CNPY1: variants seen among roughly 807,000 people sequenced by gnomAD.
The protein encoded by CNPY1 is canopy FGF signaling regulator 1.
Under a neutral mutation model 14.4 loss-of-function variants are expected in CNPY1, and 14 were observed. The ratio of observed to expected loss-of-function variants is 0.97; its 90% CI spans 0.64 to 1.52. The LOEUF is 1.52. Ranked by LOEUF, CNPY1 falls within the 40% of genes most tolerant of loss-of-function variation. CNPY1 has a pLI of 0.00. For synonymous variants in CNPY1, 43 were observed against 46.5 expected, an observed-to-expected ratio of 0.92 and a Z score of 0.31; for missense variants, 129 against 131.5, an observed-to-expected ratio of 0.98 and a Z score of 0.09.
chr7:155,519,566 A>ATAAAT (rs61571384), intron 2 of CNPY1, among the ~76,000 whole-genome samples: 5,203 of 132,322 alleles, frequency 0.039, 117 homozygotes, highest in African/African-American at 0.092. Flanking sequence ...AATAAATAAG[A>ATAAAT]AAGAAAGAAG....
intron 2 of CNPY1, among the ~76,000 whole-genome samples, chr7:155,509,864 G>A (rs994090536): frequency 6.6e-6 from 1 of 152,212 alleles, no homozygotes; most frequent in African/African-American, 2.4e-5. Flanking sequence ...CCCGGGCGCG[G>A]GTCAAAGAGC....
At chr7:155,532,071 A>T (rs1796946501) in intron 2 of CNPY1, among the ~76,000 whole-genome samples, 1 of 152,252 alleles carries the variant, frequency 6.6e-6, no homozygotes, top group Non-Finnish European at 1.5e-5. Flanking sequence ...TCAAACTAAT[A>T]CATAAGATTT....
In CNPY1 at chr7:155,502,831, A is replaced by T; in HGVS notation, c.*237T>A. On this transcript the variant is annotated 3_prime_UTR_variant, in exon 5 of 5. Transcript: ENST00000636446. Reference sequence around the variant, plus strand: ...TCTATTGTCAAGCTTGATTTATCAAAATCTGCAAAGGTTAATTTAAGTTTC... The same window carrying T: ...TCTATTGTCAAGCTTGATTTATCAATATCTGCAAAGGTTAATTTAAGTTTC... The T allele has an allele frequency of 2.0e-6, 1 of 502,368 alleles. No homozygotes were observed. The highest frequency in any genetic ancestry group is 3.5e-6 in the Non-Finnish European group (1 of 283,074). The allele number at this position is 502,368 out of a possible 1,614,324, so 31.1% of individuals were successfully genotyped here. A position where few individuals can be genotyped will look rare whatever the true frequency, so the allele number is the denominator to read the frequency against.
At chr7:155,507,258 T>C in intron 3 of CNPY1, 142 bp from the exon 4 acceptor site, 1 of 638,860 alleles carries the variant, frequency 1.6e-6, no homozygotes, top group Non-Finnish European at 2.8e-6. Flanking sequence ...CCTTTTGGTT[T>C]AATACATCAT....
At chr7:155,503,141 C>A in intron 4 of CNPY1, 36 bp from the exon 5 acceptor site, 1 of 1,520,618 alleles carries the variant, frequency 6.6e-7, no homozygotes, top group South Asian at 1.1e-5. Context: ...GCATCATTAT[C>A]ACTTTAGACT....
chr7:155,540,211 AG>A (rs1244898188), intron 2 of CNPY1, among the ~76,000 whole-genome samples: 2 of 152,176 alleles, frequency 1.3e-5, no homozygotes, highest in Admixed American at 6.5e-5. Context: ...TGGGGGCTGG[AG>A]GAGGAAACAA....
intron 2 of CNPY1, among the ~76,000 whole-genome samples, chr7:155,532,490 G>A (rs1224230318): frequency 6.6e-6 from 1 of 152,052 alleles, no homozygotes; most frequent in Non-Finnish European, 1.5e-5. Flanking sequence ...GCACGGTGGT[G>A]GGCGCCTGTA....
At chr7:155,517,771 C>A (rs1796650318) in intron 2 of CNPY1, among the ~76,000 whole-genome samples, 1 of 152,238 alleles carries the variant, frequency 6.6e-6, no homozygotes, top group African/African-American at 2.4e-5. Context: ...GATAGCCACA[C>A]ATCTTCTTGT....
intron 2 of CNPY1, among the ~76,000 whole-genome samples, chr7:155,522,612 A>G (rs979722256): frequency 2.6e-5 from 4 of 152,190 alleles, no homozygotes; most frequent in African/African-American, 9.7e-5. Context: ...TCTGGAGCCA[A>G]AGCCTTTCTC....
At chr7:155,504,689 AACACACACAC>A (rs61377945) in intron 4 of CNPY1, among the ~76,000 whole-genome samples, 38,140 of 145,192 alleles carry the variant, frequency 0.26, 5,656 homozygotes, top group East Asian at 0.44. Context: ...CATACCCCCC[AACACACACAC>A]ACACACACAC....
chr7:155,543,091 A>G (rs1044627982), intron 2 of CNPY1, among the ~76,000 whole-genome samples: 11 of 152,122 alleles, frequency 7.2e-5, no homozygotes, highest in Admixed American at 2.0e-4. Flanking sequence ...ACCCTGTGGC[A>G]TCAGCACCCT....
chr7:155,530,540 C>T (rs759560202), intron 2 of CNPY1, among the ~76,000 whole-genome samples: 12 of 152,012 alleles, frequency 7.9e-5, no homozygotes, highest in Non-Finnish European at 1.5e-4. Flanking sequence ...CTATGTTGCC[C>T]AGGGGTCTTG....
At position 155,545,935 on chromosome 7, in the gene CNPY1, C is replaced by T; in HGVS notation, c.-6G>A. The T allele has an allele frequency of 2.5e-6, 1 of 398,650 alleles. No homozygotes were observed. The highest frequency in any genetic ancestry group is 4.4e-6 in the Non-Finnish European group (1 of 226,092). The allele number at this position is 398,650 out of a possible 1,614,324, so 24.7% of individuals were successfully genotyped here. On this transcript the variant is annotated 5_prime_UTR_variant, in exon 2 of 5. Coordinates refer to ENST00000636446, the MANE Select transcript of CNPY1 (RefSeq NM_001393663.1). ...TCGTGCTCTATCTCGTCCATCAGCGCCCTGCACGCTAAACAAGACACAAAA... is the reference window on the plus strand; with the variant it reads ...TCGTGCTCTATCTCGTCCATCAGCGTCCTGCACGCTAAACAAGACACAAAA...
intron 2 of CNPY1, among the ~76,000 whole-genome samples, chr7:155,534,917 A>G (rs530657948): frequency 1.3e-5 from 2 of 152,242 alleles, no homozygotes; most frequent in Non-Finnish European, 2.9e-5. Flanking sequence ...GGCATCACCT[A>G]TCTTCCTGGG....
At chr7:155,516,871 C>A in intron 2 of CNPY1, among the ~76,000 whole-genome samples, 1 of 151,958 alleles carries the variant, frequency 6.6e-6, no homozygotes, top group East Asian at 2.0e-4. Context: ...TCCGGGAAGC[C>A]CTTAGGTTGG....
chr7:155,542,740 C>T (rs886078873), intron 2 of CNPY1, among the ~76,000 whole-genome samples: 26 of 152,354 alleles, frequency 1.7e-4, no homozygotes, highest in Non-Finnish European at 1.6e-4. Flanking sequence ...ACACCAGGGA[C>T]TGAGCCAGTG....
At chr7:155,545,508 T>C (rs1051300282) in intron 2 of CNPY1, among the ~76,000 whole-genome samples, 6 of 152,164 alleles carry the variant, frequency 3.9e-5, no homozygotes, top group African/African-American at 1.4e-4. Context: ...CTGCTTTGAG[T>C]GTCTCTAGGC....
chr7:155,524,824 G>A (rs1385534088), intron 2 of CNPY1, among the ~76,000 whole-genome samples: 12 of 100,476 alleles, frequency 1.2e-4, no homozygotes, highest in African/African-American at 3.9e-5. Context: ...CCATGAAACC[G>A]ATCCCTGGTG....
intron 2 of CNPY1, among the ~76,000 whole-genome samples, chr7:155,512,999 T>C (rs1291881651): frequency 6.6e-6 from 1 of 152,236 alleles, no homozygotes; most frequent in African/African-American, 2.4e-5. Context: ...TAAAAGTCAA[T>C]ATTTAGAAGT....
Sources: allele counts gnomAD v4.1 joint callset (sites outside exome capture counted in the v4.1 genomes callset), GRCh38; gene constraint gnomAD v4.1.1; transcripts MANE v1.5; gene names NCBI Gene and HGNC (gene_info 2026-07-23, HGNC 2026-07-21).